The following WASF3 variants were observed in gnomAD, a reference collection of about 807,000 sequenced individuals.
WASF3 encodes WASP family member 3.
A neutral mutation model predicts 46.6 loss-of-function variants in WASF3; 11 were observed. The ratio of observed to expected loss-of-function variants is 0.24; its 90% CI spans 0.15 to 0.39. The LOEUF is 0.39. Among genes scored for constraint, WASF3 ranks in the 10% least tolerant of loss-of-function variants. The probability of loss-of-function intolerance (pLI) is 1.00; values close to 1 mark genes in which losing one functional copy is unlikely to be tolerated. For missense variants in WASF3, 576 were observed against 669.8 expected (o/e 0.86, Z 1.55); for synonymous variants, 242 against 259.7 (o/e 0.93, Z 0.65).
At chr13:26,667,696 T>C in intron 5 of WASF3, 26 bp downstream of exon 5, 1 of 1,606,444 alleles carries the variant, frequency 6.2e-7, no homozygotes, top group Non-Finnish European at 8.5e-7. Context: ...TCCCAGAGCC[T>C]CTCCTTGAGA....
intron 1 of WASF3, among the ~76,000 whole-genome samples, chr13:26,583,856 G>A (rs1159814943): frequency 6.6e-6 from 1 of 152,188 alleles, no homozygotes; most frequent in Admixed American, 6.5e-5. Context: ...GGAGTCAGAA[G>A]TGTGGTTGCC....
rs114788232 is a variant in WASF3, at chr13:26,586,698, A to G, written c.-108-26263A>G. ...ACACCTGCCCTTTGTGATCAATTCT[A>G]AGAGCCCCATCTGTATTATAAATCT... On this transcript the variant is annotated intron_variant, in intron 1 of 9. Coordinates refer to ENST00000335327, the MANE Select transcript of WASF3 (RefSeq NM_006646.6). 6.9e-3 allele frequency among the ~76,000 whole-genome samples: 1,046 copies of G among 152,268 alleles called. 14 individuals are homozygous for G. Among genetic ancestry groups the G allele is most frequent in the African/African-American group, 0.024 (992 of 41,554 alleles).
intron 1 of WASF3, among the ~76,000 whole-genome samples, chr13:26,559,818 T>TCTTTC (rs1879234329): frequency 9.8e-6 from 1 of 101,616 alleles, no homozygotes. Flanking sequence ...CTTTTTTTTT[T>TCTTTC]TTTTTTTTTT....
chr13:26,622,930 T>C (rs1174322199), intron 2 of WASF3, among the ~76,000 whole-genome samples: 1 of 152,242 alleles, frequency 6.6e-6, no homozygotes, highest in Non-Finnish European at 1.5e-5. Flanking sequence ...ACATTGCTTC[T>C]ATTTTAAGAA....
chr13:26,649,676 G>A (rs1882254660), intron 3 of WASF3, among the ~76,000 whole-genome samples: 1 of 152,202 alleles, frequency 6.6e-6, no homozygotes, highest in African/African-American at 2.4e-5. Flanking sequence ...AGTCAGAGGG[G>A]CTTCCACACT....
intron 2 of WASF3, among the ~76,000 whole-genome samples, chr13:26,616,942 C>G (rs1566052213): frequency 6.6e-6 from 1 of 152,188 alleles, no homozygotes; most frequent in African/African-American, 2.4e-5. Flanking sequence ...GATGAAAATG[C>G]TGGCGACAAT....
intron 6 of WASF3, among the ~76,000 whole-genome samples, 180 bp downstream of exon 6, chr13:26,672,169 A>C (rs1882941912): frequency 6.6e-6 from 1 of 152,226 alleles, no homozygotes; most frequent in South Asian, 2.1e-4. Context: ...ATCTTCAATA[A>C]ATACTGATAT....
Position 26,669,000 on chromosome 13 carries a change from C to A in WASF3, c.422+1330C>A, listed in dbSNP as rs762497005. On this transcript the variant is annotated intron_variant, in intron 5 of 9. Coordinates refer to ENST00000335327, the MANE Select transcript of WASF3 (RefSeq NM_006646.6). ...TTGCTCATGAAAACTTTCTACCTGC[C>A]GTTGCTAAGAAACCTCACTGGAAAT... Among the ~76,000 whole-genome samples, 70 of 151,914 alleles carry A rather than the reference C, an allele frequency of 4.6e-4. 1 individual carries two copies. The highest frequency in any genetic ancestry group is 6.6e-4 in the Admixed American group (10 of 15,244).
rs532571893 is a variant in WASF3 at position 26,674,937 on chromosome 13, G to A, written c.541-1612G>A. ...GATGAAAGATTGAATGTGTTACATC[G>A]TCTCATATGCTTATTAACCATTTCT... On this transcript the variant is annotated intron_variant, in intron 6 of 9. Transcript: ENST00000335327. Among the ~76,000 whole-genome samples the A allele has an allele frequency of 3.6e-4, 55 of 152,210 alleles. 1 individual carries two copies. The East Asian group carries it at 8.9e-3, about 25-fold the overall frequency.
At chr13:26,680,265 A>T (rs752619350) in intron 7 of WASF3, 15 of 1,488,780 alleles carry the variant, frequency 1.0e-5, no homozygotes, top group Non-Finnish European at 1.3e-5. Context: ...CCGCCATGAG[A>T]GGATGTACAG....
chr13:26,621,795 G>A (rs1312964744), intron 2 of WASF3, among the ~76,000 whole-genome samples: 1 of 152,144 alleles, frequency 6.6e-6, no homozygotes. Flanking sequence ...GGAAGCTGAG[G>A]CCCTTCCTTT....
At chr13:26,648,190 GT>G (rs1339395896) in intron 3 of WASF3, among the ~76,000 whole-genome samples, 1 of 152,036 alleles carries the variant, frequency 6.6e-6, no homozygotes, top group Non-Finnish European at 1.5e-5. Flanking sequence ...AGGGATAGTC[GT>G]CATAAATGGC....
intron 1 of WASF3, among the ~76,000 whole-genome samples, chr13:26,572,802 C>G (rs1297266435): frequency 1.3e-5 from 2 of 152,176 alleles, no homozygotes; most frequent in Non-Finnish European, 2.9e-5. Context: ...ATCCGCCTGC[C>G]TCAGCCTCCC....
intron 1 of WASF3, among the ~76,000 whole-genome samples, chr13:26,564,900 G>GTTTTTGT (rs1879410370): frequency 1.2e-5 from 1 of 81,632 alleles, no homozygotes; most frequent in Admixed American, 1.6e-4. Context: ...CAAGGTTGTG[G>GTTTTTGT]TTTTTTTTTT....
At chr13:26,661,831 G>A (rs2137457912) in intron 3 of WASF3, among the ~76,000 whole-genome samples, 1 of 152,330 alleles carries the variant, frequency 6.6e-6, no homozygotes, top group Middle Eastern at 3.4e-3. Context: ...GTGGTGGTGA[G>A]AGGGATTTCA....
rs58632306 is a variant in WASF3 at position 26,614,325 on chromosome 13, A to C, written c.-11+1267A>C. ...TTCAGGAATGTATCTGTGTTCTCTG[A>C]CCAAGTTTAATTAAGCTAGAAATCA... On this transcript the variant is annotated intron_variant, in intron 2 of 9. Transcript: ENST00000335327. Among the ~76,000 whole-genome samples the C allele has an allele frequency of 6.5e-3, 985 of 152,302 alleles. 11 individuals carry two copies. The highest frequency in any genetic ancestry group is 0.023 in the African/African-American group (943 of 41,562).
chr13:26,574,506 T>C (rs1879734196), intron 1 of WASF3, among the ~76,000 whole-genome samples: 1 of 152,142 alleles, frequency 6.6e-6, no homozygotes, highest in Non-Finnish European at 1.5e-5. Flanking sequence ...TGGTAAATTT[T>C]TGTTCCTTTA....
At chr13:26,587,546 C>T (rs899785161) in intron 1 of WASF3, among the ~76,000 whole-genome samples, 2 of 152,154 alleles carry the variant, frequency 1.3e-5, no homozygotes, top group Non-Finnish European at 2.9e-5. Context: ...ATTGTATCTT[C>T]AGCACAATTA....
chr13:26,564,912 T>G (rs1278723393), intron 1 of WASF3, among the ~76,000 whole-genome samples: 2 of 149,430 alleles, frequency 1.3e-5, no homozygotes, highest in Non-Finnish European at 3.0e-5. Context: ...TTTTTTTTTT[T>G]TTTTTTTTTT....
Sources: allele counts gnomAD v4.1 joint callset (sites outside exome capture counted in the v4.1 genomes callset), GRCh38; gene constraint gnomAD v4.1.1; transcripts MANE v1.5; gene names NCBI Gene and HGNC (gene_info 2026-07-23, HGNC 2026-07-21).